The following LPIN1 variants were observed in gnomAD, a reference collection of about 807,000 sequenced individuals.
The protein encoded by LPIN1 is lipin 1, also known as phosphatidate phosphatase LPIN1.
A neutral mutation model predicts 107.5 loss-of-function variants in LPIN1; 71 were observed. The ratio of observed to expected loss-of-function variants is 0.66; its 90% CI spans 0.55 to 0.80. The LOEUF (loss-of-function observed/expected upper bound fraction) is 0.80. Among genes scored for constraint, LPIN1 ranks in the 30% least tolerant of loss-of-function variants. The pLI, the probability that LPIN1 is intolerant of heterozygous loss-of-function variation, is 0.00. For missense variants in LPIN1, 1,043 were observed against 1,160.6 expected (o/e 0.90, Z 1.47); for synonymous variants, 445 against 452.6 (o/e 0.98, Z 0.21).
chr2:11,779,707 A>G (rs891790955), intron 7 of LPIN1, 62 bp downstream of exon 7: 13 of 1,605,024 alleles, frequency 8.1e-6, no homozygotes, highest in Non-Finnish European at 1.0e-5. Context: ...AATTACATGG[A>G]ATTAGTATCA....
At chr2:11,778,131 T>A (rs1296287964) in intron 6 of LPIN1, among the ~76,000 whole-genome samples, 2 of 105,120 alleles carry the variant, frequency 1.9e-5, no homozygotes, top group Non-Finnish European at 4.2e-5. Context: ...CTTTCCCACA[T>A]GGACGTGGGG....
At chr2:11,722,018 C>T (rs1015386178), upstream of LPIN1, 1 of 148,560 alleles carries the variant, frequency 6.7e-6, no homozygotes, top group Non-Finnish European at 1.5e-5. Context: ...GCAAGAGATA[C>T]AGTAGTTCAG....
At chr2:11,684,805 C>T (rs1661916272) in intron 1 of LPIN1, among the ~76,000 whole-genome samples, 1 of 142,720 alleles carries the variant, frequency 7.0e-6, no homozygotes, top group Admixed American at 7.0e-5. Flanking sequence ...ATGTCAGTTA[C>T]CACGCATGCT....
intron 1 of LPIN1, among the ~76,000 whole-genome samples, chr2:11,708,390 G>A (rs73915497): frequency 0.022 from 3,340 of 152,210 alleles, 130 homozygotes; most frequent in African/African-American, 0.076. Flanking sequence ...TTGGGTGGAG[G>A]GTCAACCTTC....
intron 1 of LPIN1, among the ~76,000 whole-genome samples, chr2:11,687,951 C>T (rs1482802622): frequency 6.6e-6 from 1 of 152,244 alleles, no homozygotes; most frequent in Non-Finnish European, 1.5e-5. Flanking sequence ...TCATCACGCC[C>T]TCCGGGCTCT....
chr2:11,759,822 C>A (rs1426637392), intron 1 of LPIN1, among the ~76,000 whole-genome samples: 1 of 150,504 alleles, frequency 6.6e-6, no homozygotes, highest in African/African-American at 2.5e-5. Flanking sequence ...GCTGACCCCC[C>A]ACCTCCCTCC....
intron 20 of LPIN1, among the ~76,000 whole-genome samples, chr2:11,822,555 G>C (rs1447376552): frequency 6.6e-6 from 1 of 152,126 alleles, no homozygotes. Context: ...CAGAAAGAGA[G>C]CTCGTGCAGG....
At chr2:11,800,652 T>C (rs1677549115) in intron 14 of LPIN1, among the ~76,000 whole-genome samples, 1 of 151,892 alleles carries the variant, frequency 6.6e-6, no homozygotes, top group Non-Finnish European at 1.5e-5. Context: ...ACTTATGGGG[T>C]CAGAAAGCTG....
In LPIN1 at chr2:11,707,605, C is replaced by T. The variant is rs1363168046; in HGVS notation, c.82-6151C>T. 4.6e-5 allele frequency among the ~76,000 whole-genome samples: 7 copies of T among 152,120 alleles called. No individual in the cohort carries two copies. Among genetic ancestry groups the T allele is most frequent in the African/African-American group, 1.4e-4 (6 of 41,412 alleles). ...GGCTGTGGAGCCATTGCTGGAGCTGCGGGAGAGAGCAGCGTGGCTGGGACT... is the reference window on the plus strand; with the variant it reads ...GGCTGTGGAGCCATTGCTGGAGCTGTGGGAGAGAGCAGCGTGGCTGGGACT... On this transcript the variant is annotated intron_variant, in intron 1 of 21. Coordinates refer to the LPIN1 transcript ENST00000449576. This position sits in a 1 kb window ranked among gnomAD's most constrained non-coding sequence, Gnocchi z 4.2.
chr2:11,687,913 G>A (rs959058779), intron 1 of LPIN1, among the ~76,000 whole-genome samples: 43 of 152,350 alleles, frequency 2.8e-4, no homozygotes, highest in African/African-American at 1.0e-3. Context: ...AGAGGACACC[G>A]GGGGCTGAAA....
intron 2 of LPIN1, chr2:11,767,471 C>G (rs1386682833): frequency 5.2e-6 from 2 of 387,256 alleles, no homozygotes; most frequent in Non-Finnish European, 9.6e-6. Context: ...GCAGTTTTTG[C>G]CATTATTTTT....
chr2:11,690,892 T>C (rs531728975), intron 1 of LPIN1, among the ~76,000 whole-genome samples: 33 of 152,308 alleles, frequency 2.2e-4, no homozygotes, highest in African/African-American at 6.0e-4. Context: ...AATCTGTGTC[T>C]ATATGTATCT....
intron 1 of LPIN1, among the ~76,000 whole-genome samples, chr2:11,711,369 G>A (rs113563894): frequency 6.6e-5 from 10 of 152,268 alleles, no homozygotes; most frequent in African/African-American, 2.4e-4. Context: ...ATTAAGCAAC[G>A]TATAGATGAA....
chr2:11,759,132 C>CT (rs146035362), intron 1 of LPIN1, among the ~76,000 whole-genome samples: 1 of 121,332 alleles, frequency 8.2e-6, no homozygotes, highest in Non-Finnish European at 1.8e-5. Flanking sequence ...TGCTTTCTTT[C>CT]TTTTCTTTCT....
intron 1 of LPIN1, among the ~76,000 whole-genome samples, chr2:11,704,123 T>G (rs1195836992): frequency 6.6e-6 from 1 of 152,204 alleles, no homozygotes. Flanking sequence ...GGAGGGTGCT[T>G]TAGGCTTCTT....
intron 12 of LPIN1, 91 bp from the exon 13 acceptor site, chr2:11,791,823 C>A: frequency 1.3e-6 from 2 of 1,533,686 alleles, no homozygotes; most frequent in Middle Eastern, 1.7e-4. Context: ...TTAAATCTTA[C>A]TTTAATTTGC....
At chr2:11,761,564 CT>C (rs200043374) in intron 1 of LPIN1, among the ~76,000 whole-genome samples, 1,658 of 152,130 alleles carry the variant, frequency 0.011, 15 homozygotes, top group Non-Finnish European at 0.015. Flanking sequence ...CCTGGGAGGG[CT>C]TCTTGCATTC....
intron 1 of LPIN1, among the ~76,000 whole-genome samples, chr2:11,726,297 T>C (rs1264501305): frequency 2.0e-5 from 3 of 152,346 alleles, no homozygotes; most frequent in African/African-American, 7.2e-5. Flanking sequence ...CTCCTTAGGC[T>C]GCCATCTGAG....
At chr2:11,698,025 C>T (rs1662676208) in intron 1 of LPIN1, among the ~76,000 whole-genome samples, 1 of 152,170 alleles carries the variant, frequency 6.6e-6, no homozygotes, top group Non-Finnish European at 1.5e-5. Context: ...GTCTCCAGCG[C>T]TGTGTTGTCG....
Sources: gnomAD v4.1 joint callset for allele counts (sites outside exome capture counted in the v4.1 genomes callset) on GRCh38, gnomAD v4.1.1 for gene constraint, Gnocchi (gnomAD v3.1) non-coding constraint, MANE v1.5 for transcripts, NCBI Gene and HGNC (gene_info 2026-07-23, HGNC 2026-07-21) for gene names.